The following DTWD1 variants were observed in gnomAD, a reference collection of about 807,000 sequenced individuals.
DTWD1 encodes the protein tRNA-uridine aminocarboxypropyltransferase 1.
DTWD1 carries 27 observed loss-of-function variants against 30.2 expected under a neutral mutation model. The ratio of observed to expected loss-of-function variants is 0.90; its 90% CI spans 0.66 to 1.23. The LOEUF (loss-of-function observed/expected upper bound fraction) is 1.23. Among genes scored for constraint, DTWD1 ranks in the 50% most tolerant of loss-of-function variants. The pLI, the probability that DTWD1 is intolerant of heterozygous loss-of-function variation, is 0.00. For missense variants in DTWD1, 342 were observed against 348.8 expected (o/e 0.98, Z 0.15); for synonymous variants, 99 against 113.1 (o/e 0.88, Z 0.79).
At chr15:49,635,581 C>G (rs1409647722) in intron 4 of DTWD1, among the ~76,000 whole-genome samples, 1 of 152,086 alleles carries the variant, frequency 6.6e-6, no homozygotes, top group Non-Finnish European at 1.5e-5. Flanking sequence ...CAACCTCTGC[C>G]TCCTGGGGTC....
At chr15:49,628,811 T>G (rs941987341) in intron 2 of DTWD1, among the ~76,000 whole-genome samples, 1 of 152,086 alleles carries the variant, frequency 6.6e-6, no homozygotes, top group Non-Finnish European at 1.5e-5. Context: ...TCAGAGCAAA[T>G]GTTTTTGTAG....
At chr15:49,643,186 A>G in intron 4 of DTWD1, 145 bp from the exon 5 acceptor site, 8 of 895,788 alleles carry the variant, frequency 8.9e-6, no homozygotes, top group Non-Finnish European at 1.2e-5. Context: ...TCAAACTGGG[A>G]TTGAAGGAAG....
chr15:49,624,889 T>C (rs2078819513), intron 1 of DTWD1, among the ~76,000 whole-genome samples: 1 of 152,344 alleles, frequency 6.6e-6, no homozygotes, highest in East Asian at 1.9e-4. Flanking sequence ...AAAAGGGTTC[T>C]TGAAAAATGG....
chr15:49,636,492 C>T (rs146697741), intron 4 of DTWD1, among the ~76,000 whole-genome samples: 3 of 152,212 alleles, frequency 2.0e-5, no homozygotes, highest in Admixed American at 6.5e-5. Context: ...CATTTAAACT[C>T]GTCACGGTTT....
At chr15:49,625,515 TTAA>T in intron 2 of DTWD1, 84 bp downstream of exon 2, 1 of 1,243,648 alleles carries the variant, frequency 8.0e-7, no homozygotes, top group Non-Finnish European at 1.1e-6. Context: ...ATTGATAAAC[TTAA>T]TAAATAATGT....
chr15:49,656,179 G>A lies in DTWD1; in HGVS notation c.*12601G>A, dbSNP rs2153355300. Reference sequence around the variant, plus strand: ...TATGTTTGTCCTATATGAAAGTGTTGATTGCACCTGGTTCTTTGCTGTAAA... The same window carrying A: ...TATGTTTGTCCTATATGAAAGTGTTAATTGCACCTGGTTCTTTGCTGTAAA... On this transcript the variant is annotated 3_prime_UTR_variant, in exon 5 of 5. Coordinates refer to ENST00000403028, the MANE Select transcript of DTWD1 (RefSeq NM_001144955.2). 6.6e-6 allele frequency: 1 copy of A among 152,092 alleles called. No homozygotes were observed. Among genetic ancestry groups the A allele is most frequent in the Non-Finnish European group, 1.5e-5 (1 of 67,928 alleles). The allele number at this position is 152,092 out of a possible 1,614,324, so 9.4% of individuals were successfully genotyped here. A position where few individuals can be genotyped will look rare whatever the true frequency, so the allele number is the denominator to read the frequency against.
intron 2 of DTWD1, among the ~76,000 whole-genome samples, chr15:49,627,186 A>C (rs1278891152): frequency 1.3e-5 from 2 of 152,154 alleles, no homozygotes; most frequent in Non-Finnish European, 2.9e-5. Context: ...GAAATGACTC[A>C]AGACATTAGT....
At chr15:49,631,931 A>T in intron 2 of DTWD1, 2 of 512,826 alleles carry the variant, frequency 3.9e-6, no homozygotes, top group Non-Finnish European at 7.0e-6. Flanking sequence ...TTCTCTGTTA[A>T]ATGAGTTGAA....
At chr15:49,628,799 C>T (rs2078879462) in intron 2 of DTWD1, among the ~76,000 whole-genome samples, 1 of 151,932 alleles carries the variant, frequency 6.6e-6, no homozygotes, top group Non-Finnish European at 1.5e-5. Flanking sequence ...CCATACGAAG[C>T]CTCAGAGCAA....
At chr15:49,633,055 A>ATATATATATATATATC (rs2078950081) in intron 3 of DTWD1, among the ~76,000 whole-genome samples, 1 of 139,718 alleles carries the variant, frequency 7.2e-6, no homozygotes, top group Non-Finnish European at 1.5e-5. Flanking sequence ...ATATCTATAT[A>ATATATATATATATATC]TATATATATA....
rs1555588541 is a variant in DTWD1, at chr15:49,633,037, TTATATC to T, written c.408+747_408+752del. 1.7e-3 allele frequency among the ~76,000 whole-genome samples: 133 copies of T among 76,746 alleles called. 6 individuals are homozygous for T. The South Asian group carries it at 0.046, about 26-fold the overall frequency. The allele number at this position is 76,746 out of a possible 152,430, so 50.3% of individuals were successfully genotyped here. A position where few individuals can be genotyped will look rare whatever the true frequency, so the allele number is the denominator to read the frequency against. On this transcript the variant is annotated intron_variant, in intron 3 of 4. Transcript: ENST00000403028. ...ACTTGGTAAATTTTTACTTTCCTAT[TTATATC>T]TATATCTATATATATATATATATAT...
rs1165927725 is a variant in DTWD1, at chr15:49,647,404, A to G, written c.*3826A>G. 3.3e-5 allele frequency: 5 copies of G among 152,084 alleles called. No homozygotes were observed. Among genetic ancestry groups the G allele is most frequent in the African/African-American group, 9.7e-5 (4 of 41,418 alleles). 9.4% of individuals were successfully genotyped at this position (152,084 alleles called of 1,614,324 possible). A position where few individuals can be genotyped will look rare whatever the true frequency, so the allele number is the denominator to read the frequency against. On this transcript the variant is annotated 3_prime_UTR_variant, in exon 5 of 5. Transcript: ENST00000403028. ...AGGTTATGTATTTCATTTCAGTTCC[A>G]TTTCCATACCCATTGCCTTAATTTT...
At position 49,643,320 on chromosome 15, in the gene DTWD1, TTTTTTG is replaced by T; in HGVS notation, c.668-10_668-5del. On this transcript the variant is annotated splice_polypyrimidine_tract_variant and splice_region_variant and intron_variant, in intron 4 of 4. Transcript: ENST00000403028. ...TTTCTTTCTTTCTTTTTTTTTTTTT[TTTTTTG>T]ACAGGGTTGTTACAAGTTGAGTTGA... is the stretch of plus-strand genomic sequence containing the variant. 1 of 1,458,094 alleles carries T rather than the reference TTTTTTG, an allele frequency of 6.9e-7. No homozygotes were observed. The highest frequency in any genetic ancestry group is 9.0e-7 in the Non-Finnish European group (1 of 1,113,384). 90.3% of individuals were successfully genotyped at this position (1,458,094 alleles called of 1,614,324 possible).
rs945184164 is a variant in DTWD1 at position 49,655,808 on chromosome 15, G to C, written c.*12230G>C. The stretch of plus-strand genomic sequence containing the variant: ...AAATTACTTTGCTGGCTGAAGTTGG[G>C]AATAGAAAACAGTAGAGAATACTTC... On this transcript the variant is annotated 3_prime_UTR_variant, in exon 5 of 5. Transcript: ENST00000403028. 3 of 151,968 alleles carry C rather than the reference G, an allele frequency of 2.0e-5. No individual in the cohort carries two copies. The highest frequency in any genetic ancestry group is 7.2e-5 in the African/African-American group (3 of 41,408). 9.4% of individuals were successfully genotyped at this position (151,968 alleles called of 1,614,324 possible).
At chr15:49,634,394 A>T in intron 3 of DTWD1, 142 bp from the exon 4 acceptor site, 1 of 763,716 alleles carries the variant, frequency 1.3e-6, no homozygotes, top group Non-Finnish European at 1.8e-6. Context: ...CATACATATT[A>T]AAGAACCATA....
chr15:49,630,031 A>G (rs1288635110), intron 2 of DTWD1: 1 of 152,198 alleles, frequency 6.6e-6, no homozygotes, highest in Non-Finnish European at 1.5e-5. Flanking sequence ...AATGACACAC[A>G]CACACACACA....
rs2079103902 is a variant in DTWD1, at chr15:49,644,647, C to T, written c.*1069C>T. 6.6e-6 allele frequency: 1 copy of T among 152,170 alleles called. No individual in the cohort carries two copies. The highest frequency in any genetic ancestry group is 2.4e-5 in the African/African-American group (1 of 41,424). 9.4% of individuals were successfully genotyped at this position (152,170 alleles called of 1,614,324 possible). ...CCTGGCTCCTTTCCTGCCATGTCAT[C>T]ATCAGTTGGCTGTGTTCCTCTACTA... On this transcript the variant is annotated 3_prime_UTR_variant, in exon 5 of 5. Transcript: ENST00000403028.
rs562703964 is a variant in DTWD1 at position 49,632,143 on chromosome 15, C to CT, written c.265-9dup. The CT allele has an allele frequency of 5.8e-6, 9 of 1,544,716 alleles. No individual in the cohort carries two copies. The highest frequency in any genetic ancestry group is 2.3e-5 in the Admixed American group (1 of 44,240). On this transcript the variant is annotated splice_polypyrimidine_tract_variant and intron_variant, in intron 2 of 4. Transcript: ENST00000403028. ...ATGTTTATATATTTTTTTATTTGTG[C>CT]TTTTTTTACCTTTAGCTTCCATTGA...
intron 1 of DTWD1, chr15:49,621,476 G>C (rs1472706985): frequency 6.6e-6 from 1 of 152,124 alleles, no homozygotes. Flanking sequence ...ATTTGGAGTG[G>C]TTTGTGGGGG....
Sources: allele counts gnomAD v4.1 joint callset (sites outside exome capture counted in the v4.1 genomes callset), GRCh38; gene constraint gnomAD v4.1.1; transcripts MANE v1.5; gene names NCBI Gene and HGNC (gene_info 2026-07-23, HGNC 2026-07-21).